TPRG1: variants seen among roughly 807,000 people sequenced by gnomAD.
The protein encoded by TPRG1 is tumor protein p63-regulated gene 1 protein.
A neutral mutation model predicts 29.3 loss-of-function variants in TPRG1; 29 were observed. The ratio of observed to expected loss-of-function variants is 0.99; its 90% CI spans 0.74 to 1.35. The LOEUF is 1.35. TPRG1 is among the 40% of genes most tolerant of loss of function. The pLI, the probability that TPRG1 is intolerant of heterozygous loss-of-function variation, is 0.00. For missense variants in TPRG1, 327 were observed against 335.0 expected (o/e 0.98, Z 0.19); for synonymous variants, 130 against 116.8 (o/e 1.11, Z -0.73).
chr3:189,138,483 AG>A (rs1308328473), intron 3 of TPRG1, among the ~76,000 whole-genome samples: 1 of 152,176 alleles, frequency 6.6e-6, no homozygotes, highest in Non-Finnish European at 1.5e-5. Flanking sequence ...GTTATGCTCC[AG>A]GCAGTCATTC....
chr3:189,070,643 AAGAG>A (rs1187597646), intron 4 of TPRG1, among the ~76,000 whole-genome samples: 3 of 152,208 alleles, frequency 2.0e-5, no homozygotes, highest in African/African-American at 7.2e-5. Flanking sequence ...TATAGTAAGA[AAGAG>A]AGAGAAAGAG....
At chr3:189,075,290 G>A (rs1367671470) in intron 4 of TPRG1, among the ~76,000 whole-genome samples, 1 of 151,946 alleles carries the variant, frequency 6.6e-6, no homozygotes, top group East Asian at 1.9e-4. Flanking sequence ...GCACCACCAT[G>A]CCCGGCTAAT....
intron 5 of TPRG1, among the ~76,000 whole-genome samples, chr3:189,310,901 A>G (rs946870582): frequency 3.9e-5 from 6 of 152,130 alleles, no homozygotes; most frequent in African/African-American, 1.4e-4. Flanking sequence ...ATGAGGTTCT[A>G]TGGTCATGCT....
chr3:189,113,397 G>A (rs1310909591), intron 1 of TPRG1, among the ~76,000 whole-genome samples: 4 of 152,110 alleles, frequency 2.6e-5, no homozygotes, highest in Non-Finnish European at 5.9e-5. Flanking sequence ...GCCCTGGCCA[G>A]AACTTCCAAC....
chr3:189,216,005 T>G (rs756314502), intron 3 of TPRG1, among the ~76,000 whole-genome samples: 1 of 152,194 alleles, frequency 6.6e-6, no homozygotes, highest in Non-Finnish European at 1.5e-5. Context: ...GATGGTTACC[T>G]TTCTAGCCTT....
intron 3 of TPRG1, among the ~76,000 whole-genome samples, chr3:189,019,779 A>G (rs543330550): frequency 6.7e-6 from 1 of 150,036 alleles, no homozygotes; most frequent in Non-Finnish European, 1.5e-5. Context: ...CTCTTTTTCT[A>G]TTGATTGGAA....
intron 3 of TPRG1, among the ~76,000 whole-genome samples, chr3:189,012,391 T>C (rs1409337556): frequency 1.3e-5 from 2 of 152,066 alleles, no homozygotes; most frequent in African/African-American, 2.4e-5. Flanking sequence ...GATAATCATG[T>C]GGTTTTTGTC....
intron 1 of TPRG1, among the ~76,000 whole-genome samples, chr3:189,108,718 C>CA (rs1282464624): frequency 3.1e-4 from 47 of 152,174 alleles, no homozygotes; most frequent in African/African-American, 1.1e-3. Flanking sequence ...TCAACAATAT[C>CA]AAATCAATAA....
At chr3:189,215,258 G>T (rs149282824) in intron 2 of TPRG1, 34 bp from the exon 3 acceptor site, 1 of 1,578,692 alleles carries the variant, frequency 6.3e-7, no homozygotes, top group Non-Finnish European at 8.6e-7. Context: ...GGCTAAGTCT[G>T]CTCTAAACTA....
At chr3:189,084,588 A>G (rs981663517) in intron 4 of TPRG1, among the ~76,000 whole-genome samples, 17 of 152,248 alleles carry the variant, frequency 1.1e-4, no homozygotes, top group Non-Finnish European at 2.4e-4. Context: ...GTTAAATATA[A>G]CTTCTTTTAT....
intron 1 of TPRG1, among the ~76,000 whole-genome samples, chr3:189,202,275 G>A (rs1578797113): frequency 6.6e-6 from 1 of 152,138 alleles, no homozygotes; most frequent in African/African-American, 2.4e-5. Context: ...CAGAATCCTC[G>A]ATGATGAAGA....
At chr3:189,041,000 T>C (rs73048760) in intron 4 of TPRG1, among the ~76,000 whole-genome samples, 2,530 of 152,292 alleles carry the variant, frequency 0.017, 71 homozygotes, top group African/African-American at 0.058. Flanking sequence ...TCCCTGACTG[T>C]TTCCATTTTA....
chr3:189,028,672 A>G (rs1713784564), intron 4 of TPRG1, among the ~76,000 whole-genome samples: 1 of 152,150 alleles, frequency 6.6e-6, no homozygotes, highest in Non-Finnish European at 1.5e-5. Flanking sequence ...GCTAATATTT[A>G]TTAGTGCAGT....
chr3:189,150,342 C>T lies in TPRG1; in HGVS notation c.-226-314C>T, dbSNP rs146585966. On this transcript the variant is annotated intron_variant, in intron 4 of 6. Transcript: ENST00000412373. ...GGATTATAGGTGTGCACTACCACGC[C>T]GAGCAAATTTTTGTATTTTTAGTAG... 2.2e-3 allele frequency among the ~76,000 whole-genome samples: 330 copies of T among 152,256 alleles called. 4 individuals are homozygous for T. Among genetic ancestry groups the T allele is most frequent in the African/African-American group, 7.5e-3 (313 of 41,546 alleles).
chr3:189,105,810 T>C (rs1033851416), intron 1 of TPRG1, among the ~76,000 whole-genome samples: 1 of 152,160 alleles, frequency 6.6e-6, no homozygotes, highest in African/African-American at 2.4e-5. Context: ...AAGCTTACTT[T>C]GGATATAGAG....
intron 1 of TPRG1, among the ~76,000 whole-genome samples, chr3:189,114,352 G>A (rs761404663): frequency 3.3e-5 from 5 of 151,946 alleles, no homozygotes; most frequent in Admixed American, 6.6e-5. Flanking sequence ...ATGCGATCTC[G>A]GCTCACTGCA....
At chr3:189,177,518 A>T (rs939155363) in intron 1 of TPRG1, among the ~76,000 whole-genome samples, 85 of 151,674 alleles carry the variant, frequency 5.6e-4, no homozygotes, top group African/African-American at 2.0e-3. Context: ...GCATATACTT[A>T]TCTATGTATA....
chr3:189,069,833 G>A (rs183087455), intron 4 of TPRG1, among the ~76,000 whole-genome samples: 8 of 152,200 alleles, frequency 5.3e-5, no homozygotes, highest in African/African-American at 1.2e-4. Context: ...CAGGCTGGGC[G>A]TGGTGGCTCA....
chr3:189,276,254 T>A (rs1027042666), intron 4 of TPRG1, among the ~76,000 whole-genome samples: 14 of 151,928 alleles, frequency 9.2e-5, no homozygotes, highest in African/African-American at 1.2e-4. Context: ...CCCCCATGGA[T>A]GTGGCACAAC....
Sources: allele counts gnomAD v4.1 joint callset (sites outside exome capture counted in the v4.1 genomes callset), GRCh38; gene constraint gnomAD v4.1.1; transcripts MANE v1.5; gene names NCBI Gene and HGNC (gene_info 2026-07-23, HGNC 2026-07-21).